Variants in LINGO2 observed in about 807,000 individuals in gnomAD.
The protein encoded by LINGO2 is leucine-rich repeat and immunoglobulin-like domain-containing nogo receptor-interacting protein 2.
LINGO2 carries 14 observed loss-of-function variants against 30.6 expected under a neutral mutation model. The observed-to-expected ratio is 0.46, with a 90% CI of 0.30 to 0.72. LINGO2 has a LOEUF of 0.72. LINGO2 is among the 30% of genes least tolerant of loss of function. The pLI is 0.07. For missense variants in LINGO2, 729 were observed against 751.7 expected (o/e 0.97, Z 0.35); for synonymous variants, 317 against 288.5 (o/e 1.10, Z -1.00).
chr9:28,357,470 T>A (rs1043020138), intron 3 of LINGO2, among the ~76,000 whole-genome samples: 5 of 152,036 alleles, frequency 3.3e-5, no homozygotes, highest in African/African-American at 1.2e-4. Context: ...GACATGTTGG[T>A]TTTTCTATAT....
chr9:28,217,282 G>A (rs1175748969), intron 4 of LINGO2, among the ~76,000 whole-genome samples: 5 of 151,482 alleles, frequency 3.3e-5, no homozygotes, highest in Non-Finnish European at 3.0e-5. Flanking sequence ...AATTAATTAG[G>A]TAATTTATCC....
At chr9:28,942,053 C>A in the LINGO2 span, among the ~76,000 whole-genome samples, 2 of 151,998 alleles carry the variant, frequency 1.3e-5, no homozygotes, top group Non-Finnish European at 2.9e-5. Flanking sequence ...ACCTCACCAA[C>A]GTTTTTATCC....
chr9:28,991,698 G>A, the LINGO2 span, among the ~76,000 whole-genome samples: 1 of 151,194 alleles, frequency 6.6e-6, no homozygotes. Flanking sequence ...AGAAGAGAGT[G>A]GGGGCCAGTA....
At chr9:28,103,432 GA>G (rs1826474876) in intron 4 of LINGO2, among the ~76,000 whole-genome samples, 1 of 152,068 alleles carries the variant, frequency 6.6e-6, no homozygotes, top group African/African-American at 2.4e-5. Context: ...GAGGCCCTAA[GA>G]AGCTTTGTCT....
intron 1 of LINGO2, among the ~76,000 whole-genome samples, chr9:28,617,417 T>A (rs935916194): frequency 2.6e-5 from 4 of 152,074 alleles, no homozygotes; most frequent in African/African-American, 9.6e-5. Context: ...TGCCTCAGCC[T>A]CCCCAGTAGC....
intron 2 of LINGO2, among the ~76,000 whole-genome samples, chr9:28,468,085 C>A (rs1395431812): frequency 6.6e-6 from 1 of 152,078 alleles, no homozygotes; most frequent in Non-Finnish European, 1.5e-5. Context: ...AATAGATAAA[C>A]TTATAGACTG....
chr9:28,404,071 T>A (rs1375853432), intron 2 of LINGO2, among the ~76,000 whole-genome samples: 2 of 152,120 alleles, frequency 1.3e-5, no homozygotes, highest in Non-Finnish European at 2.9e-5. Context: ...AAAAACCAAG[T>A]AGAAGTTGGT....
the LINGO2 span, among the ~76,000 whole-genome samples, chr9:28,700,389 C>T: frequency 1.3e-5 from 2 of 152,154 alleles, no homozygotes; most frequent in Admixed American, 1.3e-4. Context: ...TTGGGGGTCA[C>T]ACATAATGTA....
At chr9:28,246,426 C>G (rs548102115) in intron 4 of LINGO2, among the ~76,000 whole-genome samples, 1 of 151,578 alleles carries the variant, frequency 6.6e-6, no homozygotes, top group South Asian at 2.1e-4. Flanking sequence ...GACTCCATCT[C>G]AAAAAAATAA....
At chr9:28,421,092 T>C (rs1194493823) in intron 2 of LINGO2, among the ~76,000 whole-genome samples, 1 of 151,986 alleles carries the variant, frequency 6.6e-6, no homozygotes, top group Non-Finnish European at 1.5e-5. Context: ...ATGATCATTA[T>C]ACAGTAGAAC....
At chr9:28,024,468 G>C (rs1823280395) in intron 4 of LINGO2, among the ~76,000 whole-genome samples, 1 of 152,282 alleles carries the variant, frequency 6.6e-6, no homozygotes, top group African/African-American at 2.4e-5. Context: ...GGAACATTCA[G>C]AACTGCTCCA....
the LINGO2 span, among the ~76,000 whole-genome samples, chr9:28,848,522 T>C: frequency 6.7e-6 from 1 of 148,880 alleles, no homozygotes; most frequent in Non-Finnish European, 1.5e-5. Flanking sequence ...ATGGACAATG[T>C]TATTTTTCTA....
the LINGO2 span, among the ~76,000 whole-genome samples, chr9:29,144,126 T>A: frequency 1.3e-5 from 2 of 152,164 alleles, no homozygotes; most frequent in Non-Finnish European, 2.9e-5. Context: ...CATCGGTTTA[T>A]GTGTTTGTTC....
intron 1 of LINGO2, among the ~76,000 whole-genome samples, chr9:28,569,512 G>GTT (rs1278116426): frequency 6.6e-6 from 1 of 151,750 alleles, no homozygotes; most frequent in African/African-American, 2.4e-5. Context: ...AGGACATTTT[G>GTT]TTTAACAGAG....
chr9:29,149,348 G>A, the LINGO2 span, among the ~76,000 whole-genome samples: 37,300 of 151,832 alleles, frequency 0.25, 4,716 homozygotes, highest in East Asian at 0.4. Flanking sequence ...AGGAGGAGAA[G>A]GTGGCTGACT....
intron 2 of LINGO2, among the ~76,000 whole-genome samples, chr9:28,427,166 T>G (rs748216380): frequency 1.3e-5 from 2 of 152,024 alleles, no homozygotes; most frequent in African/African-American, 2.4e-5. Flanking sequence ...AAACATTAGG[T>G]TAGATGCTGC....
the LINGO2 span, among the ~76,000 whole-genome samples, chr9:29,158,416 C>T: frequency 6.6e-6 from 1 of 151,982 alleles, no homozygotes; most frequent in Admixed American, 6.6e-5. Context: ...TTTAGTGATA[C>T]TCATTCTATT....
the LINGO2 span, among the ~76,000 whole-genome samples, chr9:28,992,681 A>G: frequency 7.9e-5 from 12 of 152,204 alleles, no homozygotes; most frequent in African/African-American, 2.7e-4. Flanking sequence ...ACCACAGTGC[A>G]ATCAAACTAG....
chr9:28,692,285 G>A, the LINGO2 span, among the ~76,000 whole-genome samples: 1 of 151,884 alleles, frequency 6.6e-6, no homozygotes, highest in South Asian at 2.1e-4. Flanking sequence ...GACCAGCTTG[G>A]CCAGCATGGT....
Sources: gnomAD v4.1 joint callset for allele counts (sites outside exome capture counted in the v4.1 genomes callset) on GRCh38, gnomAD v4.1.1 for gene constraint, MANE v1.5 for transcripts, NCBI Gene and HGNC (gene_info 2026-07-23, HGNC 2026-07-21) for gene names.